The following DNMBP variants were observed in gnomAD, a reference collection of about 807,000 sequenced individuals.
DNMBP encodes the protein dynamin binding protein.
In DNMBP, 87 loss-of-function variants were observed where a neutral mutation model predicts 150.0. That is an observed-to-expected ratio of 0.58 (90% CI 0.49 to 0.69). The LOEUF (loss-of-function observed/expected upper bound fraction) is 0.69. Among genes scored for constraint, DNMBP ranks in the 30% least tolerant of loss-of-function variants. DNMBP has a pLI of 0.00. For synonymous variants in DNMBP, 711 were observed against 750.4 expected, an observed-to-expected ratio of 0.95 and a Z score of 0.86; for missense variants, 1,774 against 1,949.0, an observed-to-expected ratio of 0.91 and a Z score of 1.69.
At chr10:99,936,916 T>C (rs958731921) in intron 4 of DNMBP, among the ~76,000 whole-genome samples, 2 of 152,020 alleles carry the variant, frequency 1.3e-5, no homozygotes, top group Non-Finnish European at 2.9e-5. Context: ...TCTTATTCTT[T>C]GAGACAGAGT....
intron 4 of DNMBP, chr10:99,929,610 T>C (rs567192323): frequency 4.5e-6 from 3 of 673,334 alleles, no homozygotes; most frequent in Admixed American, 2.3e-5. Flanking sequence ...GTTCATACCT[T>C]GGGTTTTCTT....
At position 99,971,857 on chromosome 10, in the gene DNMBP, TTTC is replaced by T. The variant is rs555050585; in HGVS notation, c.145+120_145+122del. 942 of 972,668 alleles carry T rather than the reference TTTC, an allele frequency of 9.7e-4. 7 individuals are homozygous for T. The African/African-American group carries it at 0.012, about 13-fold the overall frequency. The allele number at this position is 972,668 out of a possible 1,614,324, so 60.3% of individuals were successfully genotyped here. On this transcript the variant is annotated intron_variant, in intron 2 of 16. Coordinates refer to ENST00000324109, the MANE Select transcript of DNMBP (RefSeq NM_015221.4). ...ATAATTTTCTTTCTTTCTTTCTTTC[TTTC>T]TTTTTTTTTTTTTAAGACAGGGTCT...
chr10:99,916,385 C>T (rs2039965419), intron 4 of DNMBP, among the ~76,000 whole-genome samples: 1 of 152,026 alleles, frequency 6.6e-6, no homozygotes, highest in African/African-American at 2.4e-5. Context: ...ATCGCTGGAA[C>T]CTGGGAGGCA....
chr10:99,927,089 T>G (rs1283634288), intron 4 of DNMBP: 4 of 152,366 alleles, frequency 2.6e-5, no homozygotes, highest in African/African-American at 9.7e-5. Flanking sequence ...AAACTTGGCT[T>G]CCTGCCTGGG....
At chr10:99,925,442 G>A (rs907623503) in intron 4 of DNMBP, among the ~76,000 whole-genome samples, 6 of 151,898 alleles carry the variant, frequency 4.0e-5, no homozygotes, top group African/African-American at 1.4e-4. Context: ...TTGAGACACA[G>A]TTTCACTCTG....
intron 4 of DNMBP, among the ~76,000 whole-genome samples, chr10:99,953,645 C>A (rs1458650752): frequency 2.0e-5 from 3 of 151,984 alleles, no homozygotes; most frequent in Admixed American, 2.0e-4. Context: ...TGTGACAAAA[C>A]CCCATCTCTG....
chr10:99,976,760 A>C (rs1390351465), intron 1 of DNMBP, among the ~76,000 whole-genome samples: 1 of 151,636 alleles, frequency 6.6e-6, no homozygotes, highest in Non-Finnish European at 1.5e-5. Context: ...ATTTCCACAT[A>C]AGGGTGGTGT....
chr10:99,960,533 C>T lies in DNMBP; in HGVS notation c.269-3328G>A, dbSNP rs189199517. Among the ~76,000 whole-genome samples the T allele has an allele frequency of 4.8e-3, 737 of 152,210 alleles. 5 individuals carry two copies. Among genetic ancestry groups the T allele is most frequent in the African/African-American group, 0.016 (661 of 41,518 alleles). On this transcript the variant is annotated intron_variant, in intron 3 of 16. Transcript: ENST00000324109. ...ATTTAAAAAAAAATTAGGCCAGGTG[C>T]GGTGGCTCACGCCTGTAATCCCAGC...
chr10:99,880,928 G>GAAACA (rs912590000), intron 15 of DNMBP, among the ~76,000 whole-genome samples: 2 of 152,096 alleles, frequency 1.3e-5, no homozygotes, highest in Non-Finnish European at 2.9e-5. Flanking sequence ...ATCTCTATTT[G>GAAACA]AAACAAAACA....
At chr10:100,009,459 G>T (rs1475947534) in intron 1 of DNMBP, among the ~76,000 whole-genome samples, 1 of 152,278 alleles carries the variant, frequency 6.6e-6, no homozygotes, top group Non-Finnish European at 1.5e-5. Context: ...TAAAATCAGC[G>T]GGGTGGACTA....
chr10:99,943,407 T>A (rs1004911273), intron 4 of DNMBP, among the ~76,000 whole-genome samples: 26 of 151,896 alleles, frequency 1.7e-4, no homozygotes, highest in Non-Finnish European at 3.2e-4. Flanking sequence ...TTTGTTTGTT[T>A]GTTTTTTTGA....
intron 4 of DNMBP, among the ~76,000 whole-genome samples, chr10:99,924,994 C>T (rs370552835): frequency 6.6e-6 from 1 of 152,314 alleles, no homozygotes; most frequent in South Asian, 2.1e-4. Context: ...CTCTGTGCCC[C>T]TGCTCCTACC....
At position 99,991,168 on chromosome 10, in the gene DNMBP, T is replaced by C. The variant is rs2040886968; in HGVS notation, c.-11+18670A>G. ...ATCTCGGCTCACTGCAACCTCTGCC[T>C]CCCGGGTTCAATCGATTCTCCTGCC... On this transcript the variant is annotated intron_variant, in intron 1 of 16. Coordinates refer to ENST00000324109, the MANE Select transcript of DNMBP (RefSeq NM_015221.4). Among the ~76,000 whole-genome samples the C allele has an allele frequency of 2.0e-5, 3 of 151,382 alleles. No individual in the cohort carries two copies. In the South Asian group the frequency reaches 6.3e-4, roughly 32 times the overall value.
chr10:99,895,106 T>G, intron 10 of DNMBP, 56 bp from the exon 11 acceptor site: 21 of 839,038 alleles, frequency 2.5e-5, no homozygotes, highest in East Asian at 2.9e-5. Context: ...TTAATCTTAC[T>G]GGCAAAAGTA....
intron 7 of DNMBP, among the ~76,000 whole-genome samples, chr10:99,899,191 CAAAAAATA>C (rs2039702971): frequency 6.6e-6 from 1 of 151,166 alleles, no homozygotes; most frequent in African/African-American, 2.4e-5. Context: ...TCTGTCTCTC[CAAAAAATA>C]AAAAAATAAT....
At chr10:99,898,517 G>A (rs1042318932) in intron 8 of DNMBP, 2 of 660,716 alleles carry the variant, frequency 3.0e-6, no homozygotes, top group Non-Finnish European at 5.3e-6. Flanking sequence ...CTAGGTGCTG[G>A]GGATTTAATA....
intron 1 of DNMBP, among the ~76,000 whole-genome samples, chr10:100,000,330 ATTTATCC>A (rs376050919): frequency 2.0e-4 from 30 of 152,246 alleles, no homozygotes; most frequent in African/African-American, 6.5e-4. Context: ...GGGCAGGCTC[ATTTATCC>A]TAAGAGAATC....
At chr10:99,946,923 A>G (rs1589433157) in intron 4 of DNMBP, among the ~76,000 whole-genome samples, 1 of 152,338 alleles carries the variant, frequency 6.6e-6, no homozygotes, top group East Asian at 1.9e-4. Context: ...ATGAACTGAC[A>G]CTTCTCAAAA....
At chr10:99,880,447 CT>C (rs2039350068) in intron 15 of DNMBP, 86 bp from the exon 16 acceptor site, 1 of 1,417,506 alleles carries the variant, frequency 7.1e-7, no homozygotes, top group Non-Finnish European at 9.2e-7. Flanking sequence ...AAAAACTGAT[CT>C]AGGTTATTCA....
Sources: gnomAD v4.1 joint callset for allele counts (sites outside exome capture counted in the v4.1 genomes callset) on GRCh38, gnomAD v4.1.1 for gene constraint, MANE v1.5 for transcripts, NCBI Gene and HGNC (gene_info 2026-07-23, HGNC 2026-07-21) for gene names.